FSTL5: variants seen among roughly 807,000 people sequenced by gnomAD.
The protein encoded by FSTL5 is follistatin-related protein 5.
FSTL5 carries 62 observed loss-of-function variants against 89.1 expected under a neutral mutation model. The observed-to-expected ratio is 0.70, with a 90% CI of 0.57 to 0.86. FSTL5 has a LOEUF of 0.86. Among genes scored for constraint, FSTL5 ranks in the 40% least tolerant of loss-of-function variants. FSTL5 has a pLI of 0.00. For synonymous variants in FSTL5, 383 were observed against 346.2 expected (o/e 1.11, Z -1.18); for missense variants, 1,057 against 1,001.6 (o/e 1.06, Z -0.75).
rs542664034 is a variant in FSTL5 at position 161,396,612 on chromosome 4, C to G, written c.1842-10163G>C. Reference sequence around the variant, plus strand: ...GAGGTTGCAGTAAGCTGAGATCGCACCACTGCACTCCAGCCTGGGTGACAG... The same window carrying G: ...GAGGTTGCAGTAAGCTGAGATCGCAGCACTGCACTCCAGCCTGGGTGACAG... On this transcript the variant is annotated intron_variant, in intron 15 of 15. Coordinates refer to ENST00000306100, the MANE Select transcript of FSTL5 (RefSeq NM_020116.5). Among the ~76,000 whole-genome samples, 8 of 150,048 alleles carry G rather than the reference C, an allele frequency of 5.3e-5. No individual in the cohort carries two copies. The South Asian group carries it at 1.7e-3, about 32-fold the overall frequency.
At chr4:161,486,239 G>A (rs369520845) in intron 12 of FSTL5, among the ~76,000 whole-genome samples, 6 of 151,624 alleles carry the variant, frequency 4.0e-5, no homozygotes, top group East Asian at 3.9e-4. Context: ...ACAAACTGTC[G>A]CTGGTATTAT....
Position 161,459,220 on chromosome 4 carries a change from T to A in FSTL5, c.1708A>T (p.Thr570Ser). Residue 570 changes from threonine (T) to serine (S), a missense_variant, in exon 14 of 16, where the codon ACA (threonine) becomes TCA (serine). Coordinates refer to ENST00000306100, the MANE Select transcript of FSTL5 (RefSeq NM_020116.5). ...TACTGAAATGTACTTACCTGTAGTGTTGGTGATGTCTTCTCCAAGGTACCC... is the reference window on the plus strand; with the variant it reads ...TACTGAAATGTACTTACCTGTAGTGATGGTGATGTCTTCTCCAAGGTACCC... ...SWGTLEKTSPTLQVITLASGN... is the reference protein window; with the variant it reads ...SWGTLEKTSPSLQVITLASGN... The A allele has an allele frequency of 3.8e-6, 6 of 1,578,738 alleles. No homozygotes were observed. The highest frequency in any genetic ancestry group is 5.2e-6 in the Non-Finnish European group (6 of 1,147,886).
At chr4:161,422,626 C>T (rs905063992) in intron 15 of FSTL5, among the ~76,000 whole-genome samples, 5 of 152,122 alleles carry the variant, frequency 3.3e-5, no homozygotes, top group African/African-American at 1.2e-4. Context: ...CTGTATGTAT[C>T]GCTAACCCTT....
intron 11 of FSTL5, among the ~76,000 whole-genome samples, chr4:161,505,682 T>C (rs922084078): frequency 2.0e-5 from 3 of 151,930 alleles, no homozygotes; most frequent in Non-Finnish European, 4.4e-5. Flanking sequence ...ATTATATCTA[T>C]GCACACACAT....
chr4:161,391,863 C>G (rs1730833540), intron 15 of FSTL5, among the ~76,000 whole-genome samples: 1 of 152,146 alleles, frequency 6.6e-6, no homozygotes, highest in Non-Finnish European at 1.5e-5. Flanking sequence ...GTTTCCAAAG[C>G]ATAGGTTAAA....
At chr4:161,418,445 G>C (rs1288096942) in intron 15 of FSTL5, among the ~76,000 whole-genome samples, 1 of 152,110 alleles carries the variant, frequency 6.6e-6, no homozygotes, top group Admixed American at 6.5e-5. Context: ...TTGACTGCAA[G>C]GTGGGAAGTG....
Position 162,057,515 on chromosome 4 carries a change from T to C in FSTL5, c.127-23857A>G, listed in dbSNP as rs531823059. Among the ~76,000 whole-genome samples the C allele has an allele frequency of 2.0e-5, 3 of 152,350 alleles. No homozygotes were observed. The East Asian group carries it at 5.8e-4, about 29-fold the overall frequency. The stretch of plus-strand genomic sequence containing the variant: ...ATGCAGTACAGTATGCAAAGATTAG[T>C]ATATTTACAATTGCTTTCACTACTT... On this transcript the variant is annotated intron_variant, in intron 2 of 15. Coordinates refer to ENST00000306100, the MANE Select transcript of FSTL5 (RefSeq NM_020116.5).
chr4:162,115,949 T>C (rs1029897282), intron 1 of FSTL5, among the ~76,000 whole-genome samples: 1 of 152,106 alleles, frequency 6.6e-6, no homozygotes, highest in Non-Finnish European at 1.5e-5. Context: ...CACTGAAGCA[T>C]TGCCTTAAGA....
chr4:161,707,110 T>C (rs989496876), intron 6 of FSTL5, among the ~76,000 whole-genome samples: 5 of 151,838 alleles, frequency 3.3e-5, no homozygotes, highest in Non-Finnish European at 7.4e-5. Flanking sequence ...CACAAATTTG[T>C]TTTTTTCTGT....
At chr4:162,078,853 A>G (rs935672274) in intron 2 of FSTL5, among the ~76,000 whole-genome samples, 1 of 151,804 alleles carries the variant, frequency 6.6e-6, no homozygotes, top group South Asian at 2.1e-4. Context: ...GTATTTTTAC[A>G]TGTGTTAGTA....
chr4:162,133,171 A>G (rs1241859492), intron 1 of FSTL5, among the ~76,000 whole-genome samples: 2 of 152,144 alleles, frequency 1.3e-5, no homozygotes, highest in African/African-American at 4.8e-5. Context: ...GGATGGTTCT[A>G]ATATTGTTCA....
intron 3 of FSTL5, among the ~76,000 whole-genome samples, chr4:161,976,372 A>G (rs1320518540): frequency 6.6e-6 from 1 of 152,118 alleles, no homozygotes; most frequent in Non-Finnish European, 1.5e-5. Flanking sequence ...GAAAATTAAG[A>G]TATATTTTCT....
chr4:161,440,320 C>G (rs372981647), intron 15 of FSTL5, among the ~76,000 whole-genome samples: 53 of 152,006 alleles, frequency 3.5e-4, no homozygotes, highest in African/African-American at 1.2e-3. Context: ...CCACTGTGTC[C>G]AAACTTTTGG....
At chr4:161,605,923 T>A (rs1326604474) in intron 7 of FSTL5, among the ~76,000 whole-genome samples, 1 of 149,550 alleles carries the variant, frequency 6.7e-6, no homozygotes, top group East Asian at 1.9e-4. Flanking sequence ...GCAAATGTAA[T>A]GCAAGCAGAG....
intron 3 of FSTL5, among the ~76,000 whole-genome samples, chr4:161,985,726 T>C (rs1735946490): frequency 6.6e-6 from 1 of 151,910 alleles, no homozygotes; most frequent in Non-Finnish European, 1.5e-5. Context: ...GATGACACAT[T>C]ATACTTTCCT....
intron 7 of FSTL5, among the ~76,000 whole-genome samples, chr4:161,603,768 A>G (rs17041222): frequency 0.17 from 26,251 of 152,132 alleles, 2,368 homozygotes; most frequent in Middle Eastern, 0.32. Flanking sequence ...CTCCGAGACA[A>G]TAACCAAAGT....
chr4:161,720,100 C>T (rs955221014), intron 6 of FSTL5, among the ~76,000 whole-genome samples: 1 of 148,914 alleles, frequency 6.7e-6, no homozygotes, highest in African/African-American at 2.5e-5. Flanking sequence ...AAAGAATCAA[C>T]AATAGAAAAA....
intron 4 of FSTL5, among the ~76,000 whole-genome samples, chr4:161,912,355 C>A (rs1733717403): frequency 6.6e-6 from 1 of 152,086 alleles, no homozygotes; most frequent in African/African-American, 2.4e-5. Context: ...AATTGCATCT[C>A]CCAGAATTCC....
intron 6 of FSTL5, among the ~76,000 whole-genome samples, chr4:161,721,284 C>CAAAAAAAA: frequency 1.5e-5 from 1 of 65,110 alleles, no homozygotes. Context: ...GACTCCGTCT[C>CAAAAAAAA]AAAAAAAAAA....
Sources: gnomAD v4.1 joint callset for allele counts (sites outside exome capture counted in the v4.1 genomes callset) on GRCh38, gnomAD v4.1.1 for gene constraint, MANE v1.5 for transcripts, NCBI Gene and HGNC (gene_info 2026-07-23, HGNC 2026-07-21) for gene names.